Variants in CHIC2 observed in about 807,000 individuals in gnomAD.
The protein encoded by CHIC2 is cysteine-rich hydrophobic domain-containing protein 2.
Under a neutral mutation model 25.9 loss-of-function variants are expected in CHIC2, and 14 were observed. The ratio of observed to expected loss-of-function variants is 0.54; its 90% CI spans 0.36 to 0.85. CHIC2 has a LOEUF of 0.85. Among genes scored for constraint, CHIC2 ranks in the 40% least tolerant of loss-of-function variants. The pLI is 0.01. For missense variants in CHIC2, 146 were observed against 202.0 expected (o/e 0.72, Z 1.68); for synonymous variants, 70 against 72.0 (o/e 0.97, Z 0.14).
chr4:54,070,363 T>G, the CHIC2 span, among the ~76,000 whole-genome samples: 1 of 152,296 alleles, frequency 6.6e-6, no homozygotes, highest in East Asian at 1.9e-4. Context: ...GCAGTGACAT[T>G]ATCAGATGTG....
At chr4:54,025,854 CA>C (rs66736321) in intron 3 of CHIC2, among the ~76,000 whole-genome samples, 1,104 of 109,700 alleles carry the variant, frequency 0.01, 15 homozygotes, top group African/African-American at 0.03. Flanking sequence ...GACCCTGTCT[CA>C]AAAAAAAAAA....
At chr4:54,080,745 G>C in the CHIC2 span, among the ~76,000 whole-genome samples, 1 of 144,028 alleles carries the variant, frequency 6.9e-6, no homozygotes, top group South Asian at 2.2e-4. Flanking sequence ...TACAGAGTGA[G>C]ACTCTGTCTC....
At chr4:54,090,816 A>T in the CHIC2 span, among the ~76,000 whole-genome samples, 2 of 151,980 alleles carry the variant, frequency 1.3e-5, no homozygotes, top group African/African-American at 2.4e-5. Context: ...GATGAAATGG[A>T]TTTGCACTGA....
At chr4:54,033,063 A>G (rs1716282933) in intron 3 of CHIC2, among the ~76,000 whole-genome samples, 2 of 152,124 alleles carry the variant, frequency 1.3e-5, no homozygotes, top group South Asian at 4.1e-4. Context: ...TTCATCGTCC[A>G]CCATGATTAT....
the CHIC2 span, among the ~76,000 whole-genome samples, chr4:54,084,774 G>A: frequency 2.6e-5 from 4 of 151,564 alleles, no homozygotes; most frequent in East Asian, 5.8e-4. Context: ...ACCCCAGAAA[G>A]CAAAAAATTA....
intron 1 of CHIC2, among the ~76,000 whole-genome samples, chr4:54,058,990 C>A (rs1296574206): frequency 6.6e-6 from 1 of 152,126 alleles, no homozygotes; most frequent in East Asian, 1.9e-4. Context: ...AAAAATCCAA[C>A]ACTGAACTCT....
intron 3 of CHIC2, among the ~76,000 whole-genome samples, chr4:54,033,952 T>C (rs920309140): frequency 3.9e-5 from 6 of 152,274 alleles, no homozygotes; most frequent in Admixed American, 2.6e-4. Context: ...TCTCCAACTT[T>C]GTATTCCCTT....
At chr4:54,012,071 T>TATAC in intron 5 of CHIC2, among the ~76,000 whole-genome samples, 1 of 152,096 alleles carries the variant, frequency 6.6e-6, no homozygotes, top group Admixed American at 6.6e-5. Flanking sequence ...AATATATATA[T>TATAC]ATACTCTAAG....
chr4:54,027,218 A>G (rs551909246), intron 3 of CHIC2, among the ~76,000 whole-genome samples: 20 of 152,322 alleles, frequency 1.3e-4, no homozygotes, highest in African/African-American at 3.8e-4. Flanking sequence ...AAATCCTTCT[A>G]TAAACCACCA....
chr4:54,080,164 ATATATATATGTG>A, the CHIC2 span, among the ~76,000 whole-genome samples: 8,165 of 148,086 alleles, frequency 0.055, 235 homozygotes, highest in African/African-American at 0.086. Context: ...ATGTATGTGT[ATATATATATGTG>A]TATATATATG....
At chr4:54,016,950 G>A (rs181973980) in intron 3 of CHIC2, among the ~76,000 whole-genome samples, 2 of 151,540 alleles carry the variant, frequency 1.3e-5, no homozygotes, top group African/African-American at 4.8e-5. Context: ...TTAATACTAT[G>A]CAATTATTGT....
Position 54,035,727 on chromosome 4 carries a change from AT to A in CHIC2, c.330+13227del, listed in dbSNP as rs1047287395. Among the ~76,000 whole-genome samples the A allele has an allele frequency of 6.6e-5, 10 of 151,894 alleles. No homozygotes were observed. In the East Asian group the frequency reaches 1.2e-3, roughly 18 times the overall value. On this transcript the variant is annotated intron_variant, in intron 3 of 5. Coordinates refer to ENST00000263921, the MANE Select transcript of CHIC2 (RefSeq NM_012110.4). ...TTTCATAGGTTTCAGTCTGACCATT[AT>A]TTTTTTCCCCCTCCTTACTTTGGAT...
intron 1 of CHIC2, among the ~76,000 whole-genome samples, chr4:54,058,798 T>C (rs1717251597): frequency 6.6e-6 from 1 of 152,262 alleles, no homozygotes; most frequent in East Asian, 1.9e-4. Flanking sequence ...CTGTTGACAG[T>C]ATAAACTCCA....
chr4:54,080,755 C>CA, the CHIC2 span, among the ~76,000 whole-genome samples: 1,495 of 90,278 alleles, frequency 0.017, 20 homozygotes, highest in African/African-American at 0.037. Flanking sequence ...GACTCTGTCT[C>CA]AAAAAAAAAA....
the CHIC2 span, among the ~76,000 whole-genome samples, chr4:54,090,134 C>T: frequency 3.3e-5 from 5 of 152,024 alleles, no homozygotes; most frequent in African/African-American, 1.2e-4. Flanking sequence ...CCAAGCATTT[C>T]TAATGAAGGA....
the CHIC2 span, among the ~76,000 whole-genome samples, chr4:54,073,568 CA>C: frequency 6.6e-6 from 1 of 152,136 alleles, no homozygotes; most frequent in Admixed American, 6.5e-5. Context: ...GGGAGTGAGC[CA>C]CCCTAAAATT....
rs370129468 is a variant in CHIC2 at position 54,041,715 on chromosome 4, T to C, written c.330+7240A>G. ...TCCATGTATTTTTACCTTATGCATT[T>C]AGAATACATTAAATATTTTTAAATA... is the stretch of plus-strand genomic sequence containing the variant. On this transcript the variant is annotated intron_variant, in intron 3 of 5. Transcript: ENST00000263921. Among the ~76,000 whole-genome samples the C allele has an allele frequency of 5.9e-5, 9 of 152,294 alleles. No homozygotes were observed. The South Asian group carries it at 6.2e-4, about 11-fold the overall frequency.
chr4:54,087,593 G>A, the CHIC2 span: 1 of 777,928 alleles, frequency 1.3e-6, no homozygotes, highest in Non-Finnish European at 1.9e-6. Flanking sequence ...GGTTTAAGGG[G>A]CACACACCTA....
chr4:54,038,636 A>G (rs1354328096), intron 3 of CHIC2, among the ~76,000 whole-genome samples: 1 of 152,216 alleles, frequency 6.6e-6, no homozygotes, highest in African/African-American at 2.4e-5. Flanking sequence ...AAATTTATAA[A>G]GAAAGGTAAA....
Sources: gnomAD v4.1 joint callset for allele counts (sites outside exome capture counted in the v4.1 genomes callset) on GRCh38, gnomAD v4.1.1 for gene constraint, MANE v1.5 for transcripts, NCBI Gene and HGNC (gene_info 2026-07-23, HGNC 2026-07-21) for gene names.